SNED1: variants seen among roughly 807,000 people sequenced by gnomAD.
SNED1 encodes the protein sushi, nidogen and EGF-like domain-containing protein 1.
A neutral mutation model predicts 166.7 loss-of-function variants in SNED1; 81 were observed. That is an observed-to-expected ratio of 0.49 (90% CI 0.41 to 0.58). SNED1 has a LOEUF of 0.58. SNED1 is among the 20% of genes least tolerant of loss of function. SNED1 has a pLI of 0.00. For synonymous variants in SNED1, 762 were observed against 822.0 expected (o/e 0.93, Z 1.25); for missense variants, 1,604 against 2,000.2 (o/e 0.80, Z 3.78).
chr2:241,014,820 C>A (rs1436407669), intron 1 of SNED1, among the ~76,000 whole-genome samples: 1 of 152,162 alleles, frequency 6.6e-6, no homozygotes, highest in Non-Finnish European at 1.5e-5. Flanking sequence ...GTCTCTAATA[C>A]ACCTGGAGGT....
intron 18 of SNED1, 146 bp from the exon 19 acceptor site, chr2:241,063,866 G>A (rs972610647): frequency 1.4e-6 from 1 of 735,846 alleles, no homozygotes; most frequent in Non-Finnish European, 2.2e-6. Flanking sequence ...GGGTGCTGGG[G>A]AGGGCTGAGG....
intron 8 of SNED1, among the ~76,000 whole-genome samples, chr2:241,045,438 G>A (rs889949004): frequency 6.6e-5 from 10 of 152,150 alleles, no homozygotes; most frequent in Non-Finnish European, 8.8e-5. Flanking sequence ...GTGTGATATT[G>A]GCAAAGGGAC....
intron 16 of SNED1, among the ~76,000 whole-genome samples, chr2:241,054,519 G>C (rs1334581936): frequency 6.6e-6 from 1 of 152,120 alleles, no homozygotes; most frequent in African/African-American, 2.4e-5. Context: ...AGTGAGCCAT[G>C]AGCCTGCCAC....
chr2:241,069,453 C>T lies in SNED1; in HGVS notation c.3307+430C>T, dbSNP rs138251666. ...GGGGTGACAGCATGGACAGTCAGCG[C>T]GCAGGGGAGGGACAGGTGAACTGGG... is the stretch of plus-strand genomic sequence containing the variant. On this transcript the variant is annotated intron_variant, in intron 23 of 31. Coordinates refer to ENST00000310397, the MANE Select transcript of SNED1 (RefSeq NM_001080437.3). The surrounding 1 kb of genome is among the most constrained non-coding windows in gnomAD (Gnocchi z 4.9). Among the ~76,000 whole-genome samples, 771 of 152,298 alleles carry T rather than the reference C, an allele frequency of 5.1e-3. 2 individuals are homozygous for T. Among genetic ancestry groups the T allele is most frequent in the Non-Finnish European group, 7.4e-3 (503 of 68,014 alleles).
rs1403772286 is a variant in SNED1 at position 241,030,404 on chromosome 2, C to T, written c.334C>T (p.Arg112Cys). Residue 112 changes from arginine to cysteine, a missense_variant, in exon 2 of 32, where the codon CGT becomes TGT. Arg to Cys is a radical substitution (Grantham distance 180). Around this residue, in one of 2 missense-constraint regions of SNED1, gnomAD observed 1,237 missense variants for 1,620.8 expected, o/e 0.76. Coordinates refer to ENST00000310397, the MANE Select transcript of SNED1 (RefSeq NM_001080437.3). ...CTTCTGGGCAGATGTGGACAACCGG[C>T]GTGCAGGCGACGTGTACTACCGGGA... ...AAFWADVDNR[R>C]AGDVYYREAT... The T allele has an allele frequency of 1.9e-6, 3 of 1,613,082 alleles. No individual in the cohort carries two copies. The highest frequency in any genetic ancestry group is 1.7e-5 in the Admixed American group (1 of 59,904).
chr2:241,049,550 AG>A (rs1019328844), intron 11 of SNED1, among the ~76,000 whole-genome samples: 10 of 152,240 alleles, frequency 6.6e-5, no homozygotes, highest in Admixed American at 6.5e-4. Context: ...CAGTGATGAC[AG>A]GAAGGCGTTT....
chr2:241,011,737 C>T (rs1422349213), intron 1 of SNED1, among the ~76,000 whole-genome samples: 1 of 152,214 alleles, frequency 6.6e-6, no homozygotes, highest in East Asian at 1.9e-4. Flanking sequence ...CCACATGGCT[C>T]CCTGCCCTGC....
chr2:241,068,193 G>A lies in SNED1; in HGVS notation c.3194+246G>A, dbSNP rs1405722190. Among the ~76,000 whole-genome samples, 1 of 152,172 alleles carries A rather than the reference G, an allele frequency of 6.6e-6. No homozygotes were observed. Among genetic ancestry groups the A allele is most frequent in the Non-Finnish European group, 1.5e-5 (1 of 68,024 alleles). On this transcript the variant is annotated intron_variant, in intron 22 of 31. Transcript: ENST00000310397. The surrounding 1 kb of genome is among the most constrained non-coding windows in gnomAD (Gnocchi z 5.3). ...TAGTGTTTTAAAGTGTCCAAAAAGA[G>A]CAGGAAAAGCTCAGAAAATCCGGGG...
chr2:241,057,485 C>T (rs1307689139), intron 16 of SNED1, among the ~76,000 whole-genome samples: 1 of 149,348 alleles, frequency 6.7e-6, no homozygotes, highest in East Asian at 2.0e-4. Context: ...CAGTTCAAGA[C>T]CAGTCTGGGC....
chr2:241,012,212 C>T (rs989008412), intron 1 of SNED1, among the ~76,000 whole-genome samples: 46 of 152,346 alleles, frequency 3.0e-4, no homozygotes, highest in African/African-American at 9.6e-4. Flanking sequence ...TCGGCCACAG[C>T]GGCCTCCTGC....
At chr2:241,082,402 C>T (rs980027147) in intron 29 of SNED1, 38 bp downstream of exon 29, 20 of 1,534,412 alleles carry the variant, frequency 1.3e-5, no homozygotes, top group Non-Finnish European at 1.7e-5. Context: ...CCGCATTTGT[C>T]GTGTGTTCTT....
intron 1 of SNED1, among the ~76,000 whole-genome samples, chr2:241,019,635 A>G (rs35430572): frequency 0.68 from 102,751 of 152,138 alleles, 35,381 homozygotes; most frequent in African/African-American, 0.82. Context: ...CCTCGTCCAC[A>G]ATGATGGCTG....
intron 16 of SNED1, among the ~76,000 whole-genome samples, chr2:241,053,730 C>T (rs982428393): frequency 2.0e-5 from 3 of 152,176 alleles, no homozygotes; most frequent in African/African-American, 7.2e-5. Flanking sequence ...TCCCCCTTCC[C>T]CCTGCAGGCA....
intron 29 of SNED1, among the ~76,000 whole-genome samples, chr2:241,085,078 T>C (rs145149384): frequency 1.3e-5 from 2 of 152,346 alleles, no homozygotes; most frequent in African/African-American, 4.8e-5. Context: ...GACAATTTAA[T>C]TATGATGTGC....
Position 241,069,705 on chromosome 2 carries a change from G to A in SNED1, c.3308-215G>A, listed in dbSNP as rs1382980930. On this transcript the variant is annotated intron_variant, in intron 23 of 31. Coordinates refer to ENST00000310397, the MANE Select transcript of SNED1 (RefSeq NM_001080437.3). This position sits in a 1 kb window ranked among gnomAD's most constrained non-coding sequence, Gnocchi z 4.9. ...TTCACAGGGTGGATCCTAACCCGAG[G>A]GGAGGGTGGCAACCAGGGGCCTGCA... is the stretch of plus-strand genomic sequence containing the variant. Among the ~76,000 whole-genome samples the A allele has an allele frequency of 1.3e-5, 2 of 152,136 alleles. No homozygotes were observed. Among genetic ancestry groups the A allele is most frequent in the South Asian group, 2.1e-4 (1 of 4,824 alleles).
chr2:241,030,362 C>G lies in SNED1; in HGVS notation c.292C>G (p.Arg98Gly). ...TPVAFPIAKD[R>G]CVVAAFWADV... is the part of the protein sequence containing the mutation. ...AGTGGCCTTCCCCATTGCCAAGGAC[C>G]GCTGCGTGGTGGCAGCCTTCTGGGC... The change falls in exon 2 of 32, where the codon CGC (arginine) becomes GGC (glycine). Residue 98 changes from arginine (R) to glycine (G), a missense_variant. Around this residue, in one of 2 missense-constraint regions of SNED1, gnomAD observed 1,237 missense variants for 1,620.8 expected, o/e 0.76. Transcript: ENST00000310397. 1 of 1,610,910 alleles carries G rather than the reference C, an allele frequency of 6.2e-7. No homozygotes were observed. The highest frequency in any genetic ancestry group is 8.5e-7 in the Non-Finnish European group (1 of 1,178,672).
chr2:241,033,732 C>T lies in SNED1; in HGVS notation c.502-3C>T. 1 of 1,610,196 alleles carries T rather than the reference C, an allele frequency of 6.2e-7. No individual in the cohort carries two copies. On this transcript the variant is annotated splice_polypyrimidine_tract_variant and splice_region_variant and intron_variant, in intron 2 of 31. Transcript: ENST00000310397. ...GCCCTGTTCAGCCCCCTCTCCCCGG[C>T]AGGTCAACACATTCCAGACTGTGCT...
Position 241,071,564 on chromosome 2 carries a change from C to A in SNED1, c.3590-12C>A. 1 of 1,575,494 alleles carries A rather than the reference C, an allele frequency of 6.3e-7. No individual in the cohort carries two copies. The highest frequency in any genetic ancestry group is 8.6e-7 in the Non-Finnish European group (1 of 1,168,542). ...GCCCCAGACCAGCCCCTTCCTCCTG[C>A]CTGCTCTGCAGCCCCCAGGGATGGC... On this transcript the variant is annotated splice_polypyrimidine_tract_variant and intron_variant, in intron 24 of 31. Coordinates refer to ENST00000310397, the MANE Select transcript of SNED1 (RefSeq NM_001080437.3).
chr2:241,068,052 C>T lies in SNED1; in HGVS notation c.3194+105C>T. ...CACATTCTCCGTGTGTGGACTGTAC[C>T]ACCTGCCGCTCCTCACCTGAGCGGA... On this transcript the variant is annotated intron_variant, in intron 22 of 31. Transcript: ENST00000310397. The surrounding 1 kb of genome is among the most constrained non-coding windows in gnomAD (Gnocchi z 5.3). 3 of 925,246 alleles carry T rather than the reference C, an allele frequency of 3.2e-6. No individual in the cohort carries two copies. Among genetic ancestry groups the T allele is most frequent in the Non-Finnish European group, 4.5e-6 (3 of 663,756 alleles). 57.3% of individuals were successfully genotyped at this position (925,246 alleles called of 1,614,324 possible). A position where few individuals can be genotyped will look rare whatever the true frequency, so the allele number is the denominator to read the frequency against.
Sources: gnomAD v4.1 joint callset for allele counts (sites outside exome capture counted in the v4.1 genomes callset) on GRCh38, gnomAD v4.1.1 for gene constraint, gnomAD v4.1.1 regional missense constraint, Gnocchi (gnomAD v3.1) non-coding constraint, MANE v1.5 for transcripts, NCBI Gene and HGNC (gene_info 2026-07-23, HGNC 2026-07-21) for gene names.